Variants in NMNAT3 observed in about 807,000 individuals in gnomAD.
The protein encoded by NMNAT3 is nicotinamide/nicotinic acid mononucleotide adenylyltransferase 3.
Under a neutral mutation model 24.8 loss-of-function variants are expected in NMNAT3, and 21 were observed. The ratio of observed to expected loss-of-function variants is 0.85; its 90% CI spans 0.60 to 1.22. The LOEUF is 1.22. Among genes scored for constraint, NMNAT3 ranks in the 50% most tolerant of loss-of-function variants. NMNAT3 has a pLI of 0.00. For missense variants in NMNAT3, 387 were observed against 436.6 expected, an observed-to-expected ratio of 0.89 and a Z score of 1.01; for synonymous variants, 136 against 155.2, an observed-to-expected ratio of 0.88 and a Z score of 0.92.
At chr3:139,562,389 A>G (rs1936541161) in intron 6 of NMNAT3, among the ~76,000 whole-genome samples, 1 of 152,186 alleles carries the variant, frequency 6.6e-6, no homozygotes, top group Non-Finnish European at 1.5e-5. Flanking sequence ...TTGGTGAGCT[A>G]ATCAGCAAAG....
chr3:139,570,447 C>G (rs1938030379), intron 6 of NMNAT3: 1 of 152,144 alleles, frequency 6.6e-6, no homozygotes, highest in East Asian at 1.9e-4. Flanking sequence ...AGTTTTTCTG[C>G]TCTGTTTTTT....
chr3:139,595,609 A>G (rs1029033515), intron 3 of NMNAT3, among the ~76,000 whole-genome samples: 1 of 152,238 alleles, frequency 6.6e-6, no homozygotes, highest in Non-Finnish European at 1.5e-5. Flanking sequence ...GTACCAAAAC[A>G]GAGATATAGA....
intron 1 of NMNAT3, among the ~76,000 whole-genome samples, chr3:139,638,326 T>C (rs1419692931): frequency 6.6e-6 from 1 of 152,182 alleles, no homozygotes; most frequent in East Asian, 1.9e-4. Flanking sequence ...TAATATTTGA[T>C]TCCTCTATTC....
intron 1 of NMNAT3, among the ~76,000 whole-genome samples, chr3:139,671,741 G>C (rs561573732): frequency 6.6e-6 from 1 of 152,308 alleles, no homozygotes; most frequent in South Asian, 2.1e-4. Context: ...TATAAGGTTT[G>C]TGCAATAAAC....
intron 6 of NMNAT3, chr3:139,571,462 G>C (rs777550689): frequency 9.9e-5 from 15 of 152,262 alleles, no homozygotes; most frequent in Non-Finnish European, 2.2e-4. Flanking sequence ...CTGTAGACTG[G>C]AGCTGTTCCT....
intron 3 of NMNAT3, among the ~76,000 whole-genome samples, chr3:139,591,497 G>A (rs1013046339): frequency 2.4e-4 from 36 of 152,166 alleles, no homozygotes; most frequent in African/African-American, 8.4e-4. Flanking sequence ...TGCCTCTGTA[G>A]GCTCCACCTC....
At chr3:139,644,920 G>A (rs183128307) in intron 1 of NMNAT3, among the ~76,000 whole-genome samples, 98 of 152,196 alleles carry the variant, frequency 6.4e-4, no homozygotes, top group African/African-American at 2.1e-3. Flanking sequence ...AATACAGCTC[G>A]CGGCCGGGAG....
chr3:139,582,896 C>A, intron 4 of NMNAT3: 1 of 1,313,972 alleles, frequency 7.6e-7, no homozygotes, highest in South Asian at 2.1e-5. Flanking sequence ...GAGGGAGGAG[C>A]AGTCCAAAAA....
chr3:139,561,766 C>T (rs139059019), intron 6 of NMNAT3, among the ~76,000 whole-genome samples: 97 of 152,288 alleles, frequency 6.4e-4, no homozygotes, highest in Middle Eastern at 6.8e-3. Context: ...TCTGAAAGCT[C>T]TGAGACCAAC....
chr3:139,569,241 C>T (rs1327327487), intron 6 of NMNAT3: 1 of 150,540 alleles, frequency 6.6e-6, no homozygotes, highest in East Asian at 2.0e-4. Context: ...TGTGTCTCTG[C>T]CCGTGAGATG....
chr3:139,597,570 A>G (rs573661476), intron 3 of NMNAT3, among the ~76,000 whole-genome samples: 2 of 152,352 alleles, frequency 1.3e-5, no homozygotes, highest in Admixed American at 1.3e-4. Context: ...GTAACGCCAC[A>G]ATATCCTTAT....
rs533546713 is a variant in NMNAT3 at position 139,593,185 on chromosome 3, A to G, written c.110-9977T>C. On this transcript the variant is annotated intron_variant, in intron 3 of 6. Coordinates refer to ENST00000643695, the MANE Select transcript of NMNAT3 (RefSeq NM_001320510.2). ...GGTTGCAATCCTAGTCTCTGACAAA[A>G]CAGACTTTAAACCAACAAAGATCAA... Among the ~76,000 whole-genome samples, 565 of 152,306 alleles carry G rather than the reference A, an allele frequency of 3.7e-3. 8 individuals carry two copies. The highest frequency in any genetic ancestry group is 0.013 in the African/African-American group (548 of 41,560).
intron 3 of NMNAT3, among the ~76,000 whole-genome samples, chr3:139,596,171 T>C (rs2108196918): frequency 6.6e-6 from 1 of 152,308 alleles, no homozygotes; most frequent in African/African-American, 2.4e-5. Context: ...TATCTGTCCC[T>C]TATGGGCTGC....
At chr3:139,572,237 CTGAGCCAGAGA>C in intron 6 of NMNAT3, 1 of 398,626 alleles carries the variant, frequency 2.5e-6, no homozygotes, top group Non-Finnish European at 4.4e-6. Context: ...AGAATACCTG[CTGAGCCAGAGA>C]TGATGCAGAA....
At chr3:139,604,423 CAAT>C (rs964417444) in intron 3 of NMNAT3, among the ~76,000 whole-genome samples, 1 of 151,994 alleles carries the variant, frequency 6.6e-6, no homozygotes, top group African/African-American at 2.4e-5. Flanking sequence ...TATAAATGTA[CAAT>C]AATAATAAAG....
intron 3 of NMNAT3, among the ~76,000 whole-genome samples, chr3:139,605,719 T>G (rs1194581861): frequency 1.3e-5 from 2 of 151,536 alleles, no homozygotes; most frequent in African/African-American, 2.4e-5. Flanking sequence ...GCTTTGAAGT[T>G]TTTTTTTTAT....
intron 3 of NMNAT3, among the ~76,000 whole-genome samples, chr3:139,621,379 T>C (rs2055763827): frequency 6.6e-6 from 1 of 152,136 alleles, no homozygotes; most frequent in Admixed American, 6.5e-5. Flanking sequence ...TATTATTTTG[T>C]TTTATTTTGT....
At chr3:139,605,527 C>T (rs778850333) in intron 3 of NMNAT3, among the ~76,000 whole-genome samples, 1 of 152,154 alleles carries the variant, frequency 6.6e-6, no homozygotes, top group African/African-American at 2.4e-5. Context: ...TCATCATCTT[C>T]ATCCTCATCT....
intron 3 of NMNAT3, among the ~76,000 whole-genome samples, chr3:139,616,453 A>G (rs1424918651): frequency 1.3e-5 from 2 of 151,822 alleles, no homozygotes; most frequent in African/African-American, 2.4e-5. Context: ...GATCTCATTT[A>G]CCCCTAAGGA....
Sources: gnomAD v4.1 joint callset for allele counts (sites outside exome capture counted in the v4.1 genomes callset) on GRCh38, gnomAD v4.1.1 for gene constraint, MANE v1.5 for transcripts, NCBI Gene and HGNC (gene_info 2026-07-23, HGNC 2026-07-21) for gene names.